The following KALRN variants were observed in gnomAD, a reference collection of about 807,000 sequenced individuals.
KALRN encodes the protein kalirin RhoGEF kinase.
In KALRN, 70 loss-of-function variants were observed where a neutral mutation model predicts 353.7. The observed-to-expected ratio is 0.20, with a 90% confidence interval of 0.16 to 0.24. The LOEUF is 0.24. Among genes scored for constraint, KALRN ranks in the 10% least tolerant of loss-of-function variants. The pLI, the probability that KALRN is intolerant of heterozygous loss-of-function variation, is 1.00. For synonymous variants in KALRN, 1,391 were observed against 1,434.8 expected (o/e 0.97, Z 0.69); for missense variants, 2,791 against 3,756.7 (o/e 0.74, Z 6.72).
intron 5 of KALRN, among the ~76,000 whole-genome samples, chr3:124,297,494 C>T (rs976084): frequency 0.069 from 10,520 of 152,262 alleles, 1,045 homozygotes; most frequent in East Asian, 0.47. Context: ...CTGTGGCACA[C>T]TGGAAATGGT....
intron 14 of KALRN, among the ~76,000 whole-genome samples, chr3:124,418,911 TG>T (rs2150328521): frequency 6.6e-6 from 1 of 152,138 alleles, no homozygotes; most frequent in South Asian, 2.1e-4. Flanking sequence ...GATATTGGTC[TG>T]GGGTGTGGTT....
In KALRN at chr3:124,596,406, G is replaced by A. The variant is rs982726925; in HGVS notation, c.5182+33317G>A. On this transcript the variant is annotated intron_variant, in intron 34 of 59. Transcript: ENST00000682506. ...CGCTTGAACCCAAGAGGTGGAGGTTGCAGTGAGCCAAAATCGCGCCATTGC... is the reference window on the plus strand; with the variant it reads ...CGCTTGAACCCAAGAGGTGGAGGTTACAGTGAGCCAAAATCGCGCCATTGC... Among the ~76,000 whole-genome samples the A allele has an allele frequency of 9.9e-5, 15 of 152,242 alleles. 1 individual carries two copies. The Middle Eastern group carries it at 0.027, about 276-fold the overall frequency.
chr3:124,628,892 A>G (rs540303951), intron 34 of KALRN, among the ~76,000 whole-genome samples: 10 of 151,854 alleles, frequency 6.6e-5, no homozygotes, highest in Admixed American at 5.9e-4. Context: ...GCCCAGCCAT[A>G]TCCTTTCACC....
intron 5 of KALRN, among the ~76,000 whole-genome samples, chr3:124,277,996 ATG>A (rs3054178): frequency 0.014 from 1,999 of 146,018 alleles, 15 homozygotes; most frequent in Middle Eastern, 0.018. Context: ...GAGATGAACT[ATG>A]TGTGTGTGTG....
At chr3:124,087,754 C>A (rs1244045606) in intron 1 of KALRN, among the ~76,000 whole-genome samples, 3 of 152,148 alleles carry the variant, frequency 2.0e-5, no homozygotes, top group African/African-American at 7.2e-5. Flanking sequence ...GGGTCTCAAC[C>A]AGCATCTGTA....
chr3:124,098,555 G>A (rs1027556936), intron 1 of KALRN, among the ~76,000 whole-genome samples: 3 of 152,152 alleles, frequency 2.0e-5, no homozygotes, highest in African/African-American at 7.2e-5. Context: ...CCTGCTACAA[G>A]TATCCCCATT....
At chr3:124,684,394 AAAGG>A (rs2061469058) in intron 51 of KALRN, among the ~76,000 whole-genome samples, 1 of 152,198 alleles carries the variant, frequency 6.6e-6, no homozygotes, top group Admixed American at 6.5e-5. Context: ...AGCTCAATAA[AAAGG>A]AATATCATTT....
intron 34 of KALRN, among the ~76,000 whole-genome samples, chr3:124,575,886 A>T (rs1372702173): frequency 1.3e-5 from 2 of 152,140 alleles, no homozygotes; most frequent in Non-Finnish European, 2.9e-5. Flanking sequence ...ACATTTGCAC[A>T]GTCTCTTTTG....
chr3:124,290,901 G>A (rs535672983), intron 5 of KALRN, among the ~76,000 whole-genome samples: 1 of 152,288 alleles, frequency 6.6e-6, no homozygotes, highest in East Asian at 1.9e-4. Context: ...ATGGAGAGAA[G>A]GGAAGAGGAA....
rs1294563766 is a variant in KALRN, at chr3:124,490,714, G to A, written c.4417G>A (p.Val1473Met). The stretch of plus-strand genomic sequence containing the variant: ...TTCAGGGTTCGACGAGAACCTGGAT[G>A]TGCAGGGGGAGTTGATTCTCCAGGA... ...MLEGFDENLD[V>M]QGELILQDAF... is the part of the protein sequence containing the mutation. The change falls in exon 30 of 60, where the codon GTG becomes ATG. Residue 1473 changes from valine to methionine, a missense_variant. By Grantham distance (21) the Val-to-Met change is conservative. Transcript: ENST00000682506. 1 of 1,613,250 alleles carries A rather than the reference G, an allele frequency of 6.2e-7. No individual in the cohort carries two copies. The highest frequency in any genetic ancestry group is 1.7e-5 in the Admixed American group (1 of 60,016).
intron 25 of KALRN, among the ~76,000 whole-genome samples, chr3:124,472,587 G>A (rs2061038451): frequency 6.6e-6 from 1 of 151,462 alleles, no homozygotes; most frequent in Non-Finnish European, 1.5e-5. Context: ...GTGTGTGTGT[G>A]TGTGTGTGTG....
chr3:124,050,481 A>G (rs1411836850), intron 1 of KALRN, among the ~76,000 whole-genome samples: 3 of 152,182 alleles, frequency 2.0e-5, no homozygotes, highest in Non-Finnish European at 4.4e-5. Context: ...GTGAAAAGGT[A>G]GGCATTTTTC....
At position 124,384,990 on chromosome 3, in the gene KALRN, A is replaced by C; in HGVS notation, c.1916A>C (p.Lys639Thr). The C allele has an allele frequency of 6.2e-7, 1 of 1,613,280 alleles. No homozygotes were observed. The highest frequency in any genetic ancestry group is 8.5e-7 in the Non-Finnish European group (1 of 1,179,566). Residue 639 changes from lysine (K) to threonine (T), a missense_variant, in exon 11 of 60, where the codon AAG becomes ACG. Lys to Thr is a moderately conservative substitution (Grantham distance 78). Transcript: ENST00000682506. ...QDFVRRVEQRKLLLDMSVSFH... is the reference protein window; with the variant it reads ...QDFVRRVEQRTLLLDMSVSFH... The stretch of plus-strand genomic sequence containing the variant: ...TTCGTGCGCAGGGTGGAGCAGCGGA[A>C]GCTTCTCCTGGACATGTCTGTTTCC...
At chr3:124,602,828 A>G (rs2149467921) in intron 34 of KALRN, among the ~76,000 whole-genome samples, 1 of 152,330 alleles carries the variant, frequency 6.6e-6, no homozygotes, top group Middle Eastern at 3.4e-3. Flanking sequence ...ACAAATGACA[A>G]AGCTGAGGCT....
chr3:124,483,230 G>A (rs946516699), intron 28 of KALRN, among the ~76,000 whole-genome samples: 1 of 152,278 alleles, frequency 6.6e-6, no homozygotes, highest in East Asian at 1.9e-4. Flanking sequence ...GATTCCTCCT[G>A]GTAGCCCCTG....
At chr3:124,211,680 T>G (rs1335461402) in intron 1 of KALRN, among the ~76,000 whole-genome samples, 1 of 152,166 alleles carries the variant, frequency 6.6e-6, no homozygotes, top group African/African-American at 2.4e-5. Flanking sequence ...GTTGGATGTT[T>G]GTTGGAGTCT....
chr3:124,634,245 TC>T (rs1394430558), intron 36 of KALRN, among the ~76,000 whole-genome samples: 1 of 152,188 alleles, frequency 6.6e-6, no homozygotes, highest in African/African-American at 2.4e-5. Context: ...AAGCAGCACA[TC>T]CTAAAAGGAG....
At chr3:124,225,483 ACCCTGG>A (rs1452560515) in intron 1 of KALRN, among the ~76,000 whole-genome samples, 1 of 152,138 alleles carries the variant, frequency 6.6e-6, no homozygotes, top group African/African-American at 2.4e-5. Context: ...GTCAGGGAGG[ACCCTGG>A]CCTGGGAAGT....
intron 12 of KALRN, among the ~76,000 whole-genome samples, chr3:124,396,605 T>C (rs1203293275): frequency 6.6e-6 from 1 of 152,262 alleles, no homozygotes; most frequent in Non-Finnish European, 1.5e-5. Context: ...CTGGCAGCTC[T>C]AGAATTTTGT....
Sources: allele counts gnomAD v4.1 joint callset (sites outside exome capture counted in the v4.1 genomes callset), GRCh38; gene constraint gnomAD v4.1.1; transcripts MANE v1.5; gene names NCBI Gene and HGNC (gene_info 2026-07-23, HGNC 2026-07-21).